LRP1B: variants seen among roughly 807,000 people sequenced by gnomAD.
LRP1B encodes the protein LDL receptor related protein 1B.
Under a neutral mutation model 556.6 loss-of-function variants are expected in LRP1B, and 217 were observed. The observed-to-expected ratio is 0.39, with a 90% CI of 0.35 to 0.44. LRP1B has a LOEUF of 0.44. LRP1B is among the 20% of genes least tolerant of loss of function. The pLI, the probability that LRP1B is intolerant of heterozygous loss-of-function variation, is 1.00. For missense variants in LRP1B, 5,053 were observed against 5,620.8 expected, an observed-to-expected ratio of 0.90 and a Z score of 3.23; for synonymous variants, 2,047 against 1,865.8, an observed-to-expected ratio of 1.10 and a Z score of -2.50.
intron 3 of LRP1B, among the ~76,000 whole-genome samples, chr2:141,397,112 T>TAAAAAAAAAAAA (rs1690264904): frequency 3.8e-4 from 1 of 2,600 alleles, no homozygotes; most frequent in Non-Finnish European, 7.5e-4. Flanking sequence ...AAACTTTGTC[T>TAAAAAAAAAAAA]CAAAAAAAAA....
intron 35 of LRP1B, among the ~76,000 whole-genome samples, chr2:140,733,649 G>A (rs1437315355): frequency 3.9e-5 from 6 of 152,088 alleles, no homozygotes; most frequent in Admixed American, 3.3e-4. Flanking sequence ...ATATAAAACT[G>A]TAGAATAGGT....
At chr2:141,920,414 C>A (rs989934272) in intron 1 of LRP1B, among the ~76,000 whole-genome samples, 4 of 151,582 alleles carry the variant, frequency 2.6e-5, no homozygotes, top group Non-Finnish European at 5.9e-5. Flanking sequence ...AACACAAGTC[C>A]CAAACTTTGC....
intron 27 of LRP1B, among the ~76,000 whole-genome samples, chr2:140,860,010 A>C (rs1472119397): frequency 3.3e-5 from 5 of 152,086 alleles, no homozygotes; most frequent in African/African-American, 4.8e-5. Context: ...ATAAATAATA[A>C]ATAAAAATTA....
intron 18 of LRP1B, among the ~76,000 whole-genome samples, chr2:140,979,668 C>A (rs751693220): frequency 7.2e-5 from 11 of 152,138 alleles, no homozygotes; most frequent in African/African-American, 1.2e-4. Context: ...AGGAATGAAA[C>A]CTACTATAAC....
chr2:141,572,730 A>G (rs979752462), intron 2 of LRP1B, among the ~76,000 whole-genome samples: 9 of 152,314 alleles, frequency 5.9e-5, no homozygotes, highest in African/African-American at 2.2e-4. Flanking sequence ...AAAGGAATGG[A>G]GGAAAATTTA....
At chr2:140,766,682 T>C (rs1689115378) in intron 35 of LRP1B, among the ~76,000 whole-genome samples, 1 of 151,246 alleles carries the variant, frequency 6.6e-6, no homozygotes, top group South Asian at 2.1e-4. Flanking sequence ...AACCTGTGTT[T>C]ATTGCCCCAG....
chr2:140,485,846 TACACACACACACAC>T (rs10696198), intron 58 of LRP1B, among the ~76,000 whole-genome samples: 41 of 142,360 alleles, frequency 2.9e-4, no homozygotes, highest in South Asian at 9.2e-4. Context: ...CTCACGCACA[TACACACACACACAC>T]ACACACACAC....
chr2:140,860,026 A>C (rs1216222122), intron 27 of LRP1B, among the ~76,000 whole-genome samples: 2 of 152,108 alleles, frequency 1.3e-5, no homozygotes, highest in Admixed American at 6.6e-5. Flanking sequence ...AATTAAAAAA[A>C]AATTGCCTTC....
chr2:141,253,036 G>C (rs396283), intron 4 of LRP1B, among the ~76,000 whole-genome samples: 152,041 of 152,332 alleles, frequency 1, 75,875 homozygotes, highest in Non-Finnish European at 1. Flanking sequence ...TAACTCAGCT[G>C]CACCCTTGCA....
At chr2:140,387,634 ATAAT>A (rs1177352419) in intron 66 of LRP1B, among the ~76,000 whole-genome samples, 17 of 151,866 alleles carry the variant, frequency 1.1e-4, no homozygotes, top group Admixed American at 6.6e-4. Context: ...CTGCCTGCTA[ATAAT>A]TATTCAGAAT....
intron 11 of LRP1B, among the ~76,000 whole-genome samples, chr2:141,042,058 T>C (rs78592321): frequency 0.098 from 14,949 of 152,076 alleles, 810 homozygotes; most frequent in African/African-American, 0.14. Flanking sequence ...TCACAGTAAC[T>C]TGCATATCAG....
chr2:140,510,994 ATC>A (rs1384274696), intron 51 of LRP1B, among the ~76,000 whole-genome samples: 4 of 151,342 alleles, frequency 2.6e-5, no homozygotes, highest in South Asian at 2.1e-4. Context: ...ATGACCCTAA[ATC>A]TCTTTTTTTT....
At chr2:140,259,552 G>T (rs1251665179) in intron 86 of LRP1B, among the ~76,000 whole-genome samples, 1 of 151,946 alleles carries the variant, frequency 6.6e-6, no homozygotes, top group African/African-American at 2.4e-5. Flanking sequence ...AAGATGTGCT[G>T]TTATAATTAT....
intron 6 of LRP1B, among the ~76,000 whole-genome samples, chr2:141,211,607 A>G (rs1221254298): frequency 3.3e-5 from 5 of 152,128 alleles, no homozygotes; most frequent in Non-Finnish European, 1.5e-5. Context: ...ACAGAGCGAG[A>G]CTCCATCTCA....
chr2:142,092,812 G>A (rs1200850765), intron 1 of LRP1B, among the ~76,000 whole-genome samples: 10 of 152,040 alleles, frequency 6.6e-5, no homozygotes. Flanking sequence ...TTTCTAATCT[G>A]AGTAATTCTA....
intron 3 of LRP1B, among the ~76,000 whole-genome samples, chr2:141,335,586 C>A (rs139608798): frequency 0.012 from 1,768 of 152,164 alleles, 23 homozygotes; most frequent in Middle Eastern, 0.02. Context: ...AAGCATAATT[C>A]TTATTCTTGG....
At chr2:140,772,199 C>A (rs903959723) in intron 33 of LRP1B, among the ~76,000 whole-genome samples, 16 of 151,910 alleles carry the variant, frequency 1.1e-4, no homozygotes, top group Non-Finnish European at 2.1e-4. Flanking sequence ...CTGATTCATT[C>A]CACATTTTTC....
intron 1 of LRP1B, among the ~76,000 whole-genome samples, chr2:142,067,273 T>A (rs1193890491): frequency 6.6e-6 from 1 of 151,538 alleles, no homozygotes; most frequent in Admixed American, 6.6e-5. Context: ...AATATATTTA[T>A]AGTTTTCTGA....
rs929613199 is a variant in LRP1B, at chr2:141,055,163, C to T, written c.1505G>A (p.Arg502His). Reference sequence around the variant, plus strand: ...TCCCAAGTTGAAGCCAGTCCTGCAGCGACAAGTCCGAGTTTTGTAACTGCT... The same window carrying T: ...TCCCAAGTTGAAGCCAGTCCTGCAGTGACAAGTCCGAGTTTTGTAACTGCT... ...LSSSYKTRTCRCRTGFNLGSD... is the reference protein window; with the variant it reads ...LSSSYKTRTCHCRTGFNLGSD... Residue 502 changes from arginine (R) to histidine (H), a missense_variant, in exon 10 of 91, where the codon CGC becomes CAC. Transcript: ENST00000389484. 1.2e-5 allele frequency: 20 copies of T among 1,612,234 alleles called. No individual in the cohort carries two copies. Among genetic ancestry groups the T allele is most frequent in the East Asian group, 2.2e-5 (1 of 44,724 alleles).
Sources: allele counts gnomAD v4.1 joint callset (sites outside exome capture counted in the v4.1 genomes callset), GRCh38; gene constraint gnomAD v4.1.1; transcripts MANE v1.5; gene names NCBI Gene and HGNC (gene_info 2026-07-23, HGNC 2026-07-21).